The following ST6GAL2 variants were observed in gnomAD, a reference collection of about 807,000 sequenced individuals.
ST6GAL2 encodes the protein beta-galactoside alpha-2,6-sialyltransferase 2.
A neutral mutation model predicts 37.5 loss-of-function variants in ST6GAL2; 24 were observed. That is an observed-to-expected ratio of 0.64 (90% CI 0.46 to 0.90). The LOEUF (loss-of-function observed/expected upper bound fraction) is 0.90, where lower values mean the gene tolerates loss of function less well. Ranked by LOEUF, ST6GAL2 falls within the 40% of genes least tolerant of loss-of-function variation. The pLI is 0.00. For missense variants in ST6GAL2, 715 were observed against 712.7 expected (o/e 1.00, Z -0.04); for synonymous variants, 306 against 295.1 (o/e 1.04, Z -0.38).
At chr2:106,823,170 G>T (rs1223744536) in intron 5 of ST6GAL2, 1 of 152,090 alleles carries the variant, frequency 6.6e-6, no homozygotes, top group African/African-American at 2.4e-5. Flanking sequence ...AAAACAGGAA[G>T]AATTTATTTG....
At chr2:106,881,243 C>A (rs1192842516) in intron 1 of ST6GAL2, among the ~76,000 whole-genome samples, 3 of 152,162 alleles carry the variant, frequency 2.0e-5, no homozygotes, top group African/African-American at 7.2e-5. Context: ...CCTGCATCAG[C>A]CTCCCAAAGT....
At chr2:106,857,171 C>T (rs1255036574) in intron 1 of ST6GAL2, among the ~76,000 whole-genome samples, 1 of 152,104 alleles carries the variant, frequency 6.6e-6, no homozygotes, top group East Asian at 1.9e-4. Flanking sequence ...AAAGAAAATG[C>T]CAAGTTGCTA....
At chr2:106,879,851 A>C (rs2104651896) in intron 1 of ST6GAL2, among the ~76,000 whole-genome samples, 1 of 147,892 alleles carries the variant, frequency 6.8e-6, no homozygotes, top group South Asian at 2.1e-4. Context: ...TATAATCTAT[A>C]AACTATAATA....
chr2:106,886,345 C>T (rs1334362196), upstream of ST6GAL2: 1 of 152,174 alleles, frequency 6.6e-6, no homozygotes, highest in Non-Finnish European at 1.5e-5. Context: ...GTCGTCCTGC[C>T]GCAGGCTCGA....
chr2:106,817,096 G>C (rs1309248588), intron 5 of ST6GAL2, among the ~76,000 whole-genome samples: 2 of 152,208 alleles, frequency 1.3e-5, no homozygotes, highest in African/African-American at 2.4e-5. Context: ...GCCACCAGGG[G>C]CTAAAGTGCT....
intron 2 of ST6GAL2, among the ~76,000 whole-genome samples, chr2:106,841,990 A>G (rs1347103668): frequency 6.6e-6 from 1 of 152,198 alleles, no homozygotes; most frequent in Non-Finnish European, 1.5e-5. Context: ...TTAACAGTTA[A>G]ATCACTAGAC....
At chr2:106,818,846 A>C (rs991877178) in intron 5 of ST6GAL2, among the ~76,000 whole-genome samples, 1 of 152,194 alleles carries the variant, frequency 6.6e-6, no homozygotes, top group Middle Eastern at 3.2e-3. Flanking sequence ...AAGATAACAG[A>C]AAGAAGAAAT....
intron 1 of ST6GAL2, among the ~76,000 whole-genome samples, chr2:106,844,908 G>A (rs766431962): frequency 7.9e-5 from 12 of 152,178 alleles, no homozygotes; most frequent in Non-Finnish European, 1.6e-4. Context: ...GTATTGCTGT[G>A]TGGGAAGCAC....
chr2:106,836,757 G>A lies in ST6GAL2; in HGVS notation c.944-2611C>T, dbSNP rs369696107. Among the ~76,000 whole-genome samples, 60 of 112,828 alleles carry A rather than the reference G, an allele frequency of 5.3e-4. No individual in the cohort carries two copies. The South Asian group carries it at 7.4e-3, about 14-fold the overall frequency. 74.0% of individuals were successfully genotyped at this position (112,828 alleles called of 152,430 possible). On this transcript the variant is annotated intron_variant, in intron 2 of 5. Transcript: ENST00000409382. ...AGCCTGACCACCATGGAGAAACCCCGTCTCTACTAAAAATACAAAAAAAAA... is the reference window on the plus strand; with the variant it reads ...AGCCTGACCACCATGGAGAAACCCCATCTCTACTAAAAATACAAAAAAAAA...
chr2:106,810,256 A>AT (rs1428589693), intron 5 of ST6GAL2, among the ~76,000 whole-genome samples: 1 of 152,216 alleles, frequency 6.6e-6, no homozygotes, highest in Non-Finnish European at 1.5e-5. Flanking sequence ...TGCTTTCAAT[A>AT]TATGTAAATA....
intron 5 of ST6GAL2, among the ~76,000 whole-genome samples, chr2:106,826,556 A>AT (rs1676214960): frequency 6.9e-6 from 1 of 144,610 alleles, no homozygotes. Context: ...AAAAAAAAAA[A>AT]AATCAGAAAA....
intron 5 of ST6GAL2, among the ~76,000 whole-genome samples, chr2:106,811,358 G>C (rs13030464): frequency 0.081 from 12,317 of 152,094 alleles, 1,184 homozygotes; most frequent in East Asian, 0.49. Flanking sequence ...CTCTTACATG[G>C]TTCAGAATGG....
At chr2:106,829,951 C>A in intron 5 of ST6GAL2, 115 bp downstream of exon 5, 1 of 973,442 alleles carries the variant, frequency 1.0e-6, no homozygotes, top group East Asian at 2.5e-5. Context: ...ACTTCTGGTT[C>A]CAGGCATTTC....
At chr2:106,830,398 T>C (rs1676374046) in intron 4 of ST6GAL2, among the ~76,000 whole-genome samples, 158 bp from the exon 5 acceptor site, 1 of 152,052 alleles carries the variant, frequency 6.6e-6, no homozygotes, top group Admixed American at 6.5e-5. Flanking sequence ...CTCATTGGGA[T>C]GAGGGGACAA....
At chr2:106,866,170 A>T (rs1279938497) in intron 1 of ST6GAL2, among the ~76,000 whole-genome samples, 1 of 152,224 alleles carries the variant, frequency 6.6e-6, no homozygotes, top group Non-Finnish European at 1.5e-5. Context: ...TGATGAAGAA[A>T]TGAAGACTCC....
chr2:106,861,298 C>T (rs1445156641), intron 1 of ST6GAL2, among the ~76,000 whole-genome samples: 1 of 152,192 alleles, frequency 6.6e-6, no homozygotes, highest in African/African-American at 2.4e-5. Context: ...GGCCCTTTTT[C>T]CTTACTGCCC....
Position 106,814,516 on chromosome 2 carries a change from G to A in ST6GAL2, c.1319-7567C>T, listed in dbSNP as rs116195565. Among the ~76,000 whole-genome samples the A allele has an allele frequency of 2.2e-3, 331 of 152,096 alleles. 2 individuals carry two copies. Among genetic ancestry groups the A allele is most frequent in the African/African-American group, 7.8e-3 (322 of 41,518 alleles). On this transcript the variant is annotated intron_variant, in intron 5 of 5. Coordinates refer to ENST00000409382, the MANE Select transcript of ST6GAL2 (RefSeq NM_001142351.2). Reference sequence around the variant, plus strand: ...AAAAAAAAAAAAAAGGCAAGGTGGGGGTGTTGCTGGCTTCTGCAATAAAAA... The same window carrying A: ...AAAAAAAAAAAAAAGGCAAGGTGGGAGTGTTGCTGGCTTCTGCAATAAAAA...
intron 1 of ST6GAL2, among the ~76,000 whole-genome samples, chr2:106,851,654 G>C (rs371844389): frequency 1.2e-4 from 17 of 146,408 alleles, no homozygotes; most frequent in Non-Finnish European, 2.2e-4. Flanking sequence ...TTCTTGACTG[G>C]AGAGTGTTTT....
chr2:106,844,828 G>A (rs1304905331), intron 1 of ST6GAL2, among the ~76,000 whole-genome samples: 1 of 152,072 alleles, frequency 6.6e-6, no homozygotes, highest in East Asian at 1.9e-4. Context: ...TAACAAAAGG[G>A]GCAGAGATGA....
Sources: gnomAD v4.1 joint callset for allele counts (sites outside exome capture counted in the v4.1 genomes callset) on GRCh38, gnomAD v4.1.1 for gene constraint, MANE v1.5 for transcripts, NCBI Gene and HGNC (gene_info 2026-07-23, HGNC 2026-07-21) for gene names.